Variants in BBS9 observed in about 807,000 individuals in gnomAD.
BBS9 encodes Bardet-Biedl syndrome 9, also known as protein PTHB1.
A neutral mutation model predicts 117.7 loss-of-function variants in BBS9; 89 were observed. The ratio of observed to expected loss-of-function variants is 0.76; its 90% CI spans 0.64 to 0.90. The LOEUF (loss-of-function observed/expected upper bound fraction) is 0.90, where lower values mean the gene tolerates loss of function less well. Ranked by LOEUF, BBS9 falls within the 40% of genes least tolerant of loss-of-function variation. The pLI, the probability that BBS9 is intolerant of heterozygous loss-of-function variation, is 0.00. For missense variants in BBS9, 982 were observed against 1,042.2 expected, an observed-to-expected ratio of 0.94 and a Z score of 0.80; for synonymous variants, 379 against 370.9, an observed-to-expected ratio of 1.02 and a Z score of -0.25.
chr7:33,447,685 G>C (rs1209666850), intron 19 of BBS9, among the ~76,000 whole-genome samples: 2 of 152,216 alleles, frequency 1.3e-5, no homozygotes, highest in Non-Finnish European at 2.9e-5. Flanking sequence ...TTAATGATCT[G>C]AGAAGGCTGC....
intron 5 of BBS9, among the ~76,000 whole-genome samples, chr7:33,194,196 C>A (rs1042783041): frequency 6.6e-6 from 1 of 152,134 alleles, no homozygotes; most frequent in African/African-American, 2.4e-5. Flanking sequence ...ATTTCCATTT[C>A]TCTGGGCTGT....
intron 19 of BBS9, among the ~76,000 whole-genome samples, chr7:33,424,736 A>T (rs1271526832): frequency 6.6e-6 from 1 of 152,104 alleles, no homozygotes; most frequent in Non-Finnish European, 1.5e-5. Flanking sequence ...TTCTTCTTTT[A>T]TACTGATGGC....
intron 19 of BBS9, among the ~76,000 whole-genome samples, chr7:33,490,363 CTTT>C (rs76928655): frequency 0.19 from 28,880 of 151,432 alleles, 3,509 homozygotes; most frequent in Admixed American, 0.35. Context: ...GTTTGATTTT[CTTT>C]TTATTTGTGT....
chr7:33,221,385 A>G (rs1790218172), intron 5 of BBS9, among the ~76,000 whole-genome samples: 1 of 152,186 alleles, frequency 6.6e-6, no homozygotes, highest in Non-Finnish European at 1.5e-5. Context: ...GATTTAAAAA[A>G]ATTGCGTATG....
intron 19 of BBS9, among the ~76,000 whole-genome samples, chr7:33,388,740 C>T (rs901190446): frequency 6.6e-5 from 10 of 152,174 alleles, no homozygotes; most frequent in Non-Finnish European, 8.8e-5. Flanking sequence ...CTATTCAAAA[C>T]ATCTCTCACT....
At chr7:33,627,234 G>A (rs1401342543) in intron 21 of BBS9, among the ~76,000 whole-genome samples, 1 of 152,224 alleles carries the variant, frequency 6.6e-6, no homozygotes, top group African/African-American at 2.4e-5. Context: ...TCCTGAGGGT[G>A]CAAGCTGTAA....
intron 19 of BBS9, among the ~76,000 whole-genome samples, chr7:33,428,520 G>A (rs1047481734): frequency 2.0e-5 from 3 of 152,058 alleles, no homozygotes; most frequent in African/African-American, 7.2e-5. Context: ...CAAAACAGGA[G>A]ATAATTATTC....
At chr7:33,595,657 C>T (rs979561836) in intron 21 of BBS9, among the ~76,000 whole-genome samples, 2 of 152,040 alleles carry the variant, frequency 1.3e-5, no homozygotes, top group Non-Finnish European at 2.9e-5. Context: ...ACCACAAATA[C>T]CATTTGACCC....
chr7:33,477,704 G>A (rs144161313), intron 19 of BBS9, among the ~76,000 whole-genome samples: 87 of 152,244 alleles, frequency 5.7e-4, no homozygotes, highest in African/African-American at 2.0e-3. Context: ...GAAGCACCAC[G>A]ATTAAGTAAG....
intron 9 of BBS9, among the ~76,000 whole-genome samples, chr7:33,306,732 A>G (rs1233080816): frequency 2.6e-5 from 4 of 152,256 alleles, no homozygotes; most frequent in Middle Eastern, 3.4e-3. Flanking sequence ...AATAAAAGAT[A>G]GCTTTTTGAA....
At chr7:33,519,936 C>T (rs1193437741) in intron 20 of BBS9, among the ~76,000 whole-genome samples, 1 of 152,034 alleles carries the variant, frequency 6.6e-6, no homozygotes, top group Admixed American at 6.6e-5. Flanking sequence ...TTATAATACC[C>T]ACTCATAGGG....
chr7:33,267,099 AGG>A (rs1798961306), intron 7 of BBS9, among the ~76,000 whole-genome samples: 1 of 152,148 alleles, frequency 6.6e-6, no homozygotes, highest in South Asian at 2.1e-4. Flanking sequence ...TTCTGTTATT[AGG>A]TACATAAACA....
intron 19 of BBS9, among the ~76,000 whole-genome samples, chr7:33,394,003 A>G (rs961636461): frequency 6.6e-6 from 1 of 152,170 alleles, no homozygotes; most frequent in African/African-American, 2.4e-5. Flanking sequence ...TGCCTTGCCT[A>G]CATAGTGTCT....
chr7:33,339,447 C>T (rs1263349732), intron 10 of BBS9, among the ~76,000 whole-genome samples: 1 of 152,118 alleles, frequency 6.6e-6, no homozygotes, highest in Non-Finnish European at 1.5e-5. Context: ...AATGAACAGC[C>T]ATTTGTACTC....
chr7:33,538,858 C>A (rs1435337973), intron 21 of BBS9, among the ~76,000 whole-genome samples: 1 of 150,918 alleles, frequency 6.6e-6, no homozygotes, highest in East Asian at 2.0e-4. Context: ...GGTTCCATAG[C>A]TAGGTTGGCC....
intron 18 of BBS9, among the ~76,000 whole-genome samples, chr7:33,386,905 C>G (rs1387185136): frequency 6.6e-6 from 1 of 152,090 alleles, no homozygotes; most frequent in Non-Finnish European, 1.5e-5. Flanking sequence ...TGTTTGGTGT[C>G]CAGTTTCTTG....
chr7:33,318,043 C>T (rs904579766), intron 9 of BBS9, among the ~76,000 whole-genome samples: 3 of 152,188 alleles, frequency 2.0e-5, no homozygotes, highest in African/African-American at 4.8e-5. Flanking sequence ...CAGAGCAAGA[C>T]TGTCTCAAAC....
At chr7:33,221,497 GA>G (rs1005632555) in intron 5 of BBS9, among the ~76,000 whole-genome samples, 12 of 151,260 alleles carry the variant, frequency 7.9e-5, no homozygotes, top group East Asian at 1.9e-4. Context: ...ATTCTAACAA[GA>G]AAAAAAAATT....
At chr7:33,142,079 G>A (rs1791563727) in intron 1 of BBS9, among the ~76,000 whole-genome samples, 1 of 151,902 alleles carries the variant, frequency 6.6e-6, no homozygotes, top group South Asian at 2.1e-4. Context: ...GGGACTACCC[G>A]CCCGGCTAAT....
Sources: allele counts gnomAD v4.1 joint callset (sites outside exome capture counted in the v4.1 genomes callset), GRCh38; gene constraint gnomAD v4.1.1; transcripts MANE v1.5; gene names NCBI Gene and HGNC (gene_info 2026-07-23, HGNC 2026-07-21).